PATZ1: variants seen among roughly 807,000 people sequenced by gnomAD.
The protein encoded by PATZ1 is POZ/BTB and AT hook containing zinc finger 1.
Under a neutral mutation model 46.2 loss-of-function variants are expected in PATZ1, and 9 were observed. The observed-to-expected ratio is 0.19, with a 90% CI of 0.12 to 0.34. The LOEUF (loss-of-function observed/expected upper bound fraction) is 0.34. Among genes scored for constraint, PATZ1 ranks in the 10% least tolerant of loss-of-function variants. The pLI, the probability that PATZ1 is intolerant of heterozygous loss-of-function variation, is 1.00. For missense variants in PATZ1, 632 were observed against 923.0 expected, an observed-to-expected ratio of 0.68 and a Z score of 4.08; for synonymous variants, 426 against 378.6, an observed-to-expected ratio of 1.13 and a Z score of -1.45.
intron 3 of PATZ1, among the ~76,000 whole-genome samples, chr22:31,334,727 A>G (rs991461740): frequency 2.6e-5 from 4 of 152,132 alleles, no homozygotes; most frequent in Non-Finnish European, 5.9e-5. Context: ...TCAAGCTTAG[A>G]GAGGGAATGG....
chr22:31,330,169 G>A (rs1401246128), intron 3 of PATZ1, among the ~76,000 whole-genome samples: 1 of 152,210 alleles, frequency 6.6e-6, no homozygotes, highest in African/African-American at 2.4e-5. Flanking sequence ...TGCTGGAACT[G>A]TAATAAAGGT....
In PATZ1 at chr22:31,344,995, G is replaced by C. The variant is rs777404081; in HGVS notation, c.608C>G (p.Ala203Gly). ...AALAANSNGI[A>G]GSMQPEEEAA... ...CTCCTCCTCTGGCTGCATGCTGCCG[G>C]CGATGCCATTGCTGTTGGCTGCCAA... Residue 203 changes from alanine (A) to glycine (G), a missense_variant, in exon 1 of 5, where the codon GCC becomes GGC. Physicochemically the swap from Ala to Gly is moderately conservative, Grantham distance 60 (BLOSUM62 0). Coordinates refer to ENST00000266269, the MANE Select transcript of PATZ1 (RefSeq NM_014323.3). The C allele has an allele frequency of 1.2e-6, 2 of 1,613,932 alleles. No individual in the cohort carries two copies. Among genetic ancestry groups the C allele is most frequent in the Non-Finnish European group, 1.7e-6 (2 of 1,180,052 alleles).
At chr22:31,335,663 TG>T (rs1033540863) in intron 3 of PATZ1, 28 bp downstream of exon 3, 4 of 1,606,972 alleles carry the variant, frequency 2.5e-6, no homozygotes, top group African/African-American at 1.3e-5. Flanking sequence ...GCCCATCCTC[TG>T]GAAGTGAGGA....
In PATZ1 at chr22:31,345,838, G is replaced by A; in HGVS notation, c.-236C>T. On this transcript the variant is annotated 5_prime_UTR_variant, in exon 1 of 5. Transcript: ENST00000266269. The surrounding 1 kb of genome is among the most constrained non-coding windows in gnomAD (Gnocchi z 7.4). Reference sequence around the variant, plus strand: ...AACCCCCGCCCTCGCTGGACTGCGCGCCACTCTCTCCTCTCCGCCCGCCCG... The same window carrying A: ...AACCCCCGCCCTCGCTGGACTGCGCACCACTCTCTCCTCTCCGCCCGCCCG... 2.3e-6 allele frequency: 1 copy of A among 432,468 alleles called. No homozygotes were observed. Among genetic ancestry groups the A allele is most frequent in the Non-Finnish European group, 4.1e-6 (1 of 245,674 alleles). 26.8% of individuals were successfully genotyped at this position (432,468 alleles called of 1,614,324 possible). A position where few individuals can be genotyped will look rare whatever the true frequency, so the allele number is the denominator to read the frequency against.
rs576593131 is a variant in PATZ1 at position 31,344,260 on chromosome 22, C to T, written c.1271+72G>A. 2.4e-5 allele frequency: 33 copies of T among 1,377,370 alleles called. No homozygotes were observed. The South Asian group carries it at 3.7e-4, about 15-fold the overall frequency. The allele number at this position is 1,377,370 out of a possible 1,614,324, so 85.3% of individuals were successfully genotyped here. A position where few individuals can be genotyped will look rare whatever the true frequency, so the allele number is the denominator to read the frequency against. On this transcript the variant is annotated intron_variant, in intron 1 of 4. Coordinates refer to ENST00000266269, the MANE Select transcript of PATZ1 (RefSeq NM_014323.3). ...ATGACCCCCACAAATCCCACACCCC[C>T]AGATCTTGGCAGGAGCCTTTTCAGG...
intron 3 of PATZ1, among the ~76,000 whole-genome samples, chr22:31,329,880 AC>A (rs1172623717): frequency 2.0e-5 from 3 of 152,234 alleles, no homozygotes; most frequent in Non-Finnish European, 4.4e-5. Context: ...ATCAAACCCC[AC>A]TGTAGTCAAG....
rs1601501724 is a variant in PATZ1, at chr22:31,345,798, A to C, written c.-196T>G. On this transcript the variant is annotated 5_prime_UTR_variant, in exon 1 of 5. Transcript: ENST00000266269. The surrounding 1 kb of genome is among the most constrained non-coding windows in gnomAD (Gnocchi z 7.4). ...GACTGTCTAGACTGCGGGGTGCACC[A>C]CCCCCCACATAGCCAACCCCCGCCC... is the stretch of plus-strand genomic sequence containing the variant. 8 of 482,074 alleles carry C rather than the reference A, an allele frequency of 1.7e-5. No homozygotes were observed. Among genetic ancestry groups the C allele is most frequent in the South Asian group, 8.5e-5 (2 of 23,466 alleles). The allele number at this position is 482,074 out of a possible 1,614,324, so 29.9% of individuals were successfully genotyped here.
At chr22:31,335,448 C>A in intron 3 of PATZ1, 1 of 475,278 alleles carries the variant, frequency 2.1e-6, no homozygotes, top group South Asian at 3.5e-5. Flanking sequence ...TTGGGAAGAA[C>A]CTCTCTCCTT....
rs2049643862 is a variant in PATZ1, at chr22:31,345,593, C to G, written c.10G>C (p.Val4Leu). 1 of 1,591,842 alleles carries G rather than the reference C, an allele frequency of 6.3e-7. No individual in the cohort carries two copies. Among genetic ancestry groups the G allele is most frequent in the Admixed American group, 1.7e-5 (1 of 59,206 alleles). The change falls in exon 1 of 5, where the codon GTG becomes CTG. Residue 4 changes from valine (V) to leucine (L), a missense_variant. Val to Leu is a conservative substitution (Grantham distance 32). Around this residue, in one of 7 missense-constraint regions of PATZ1, gnomAD observed 30 missense variants for 27.7 expected, o/e 1.08. Coordinates refer to ENST00000266269, the MANE Select transcript of PATZ1 (RefSeq NM_014323.3). The surrounding 1 kb of genome is among the most constrained non-coding windows in gnomAD (Gnocchi z 7.4). Reference sequence around the variant, plus strand: ...GACGGGCCGCACGAAGCGTCGTTCACCCGCTCCATGGCCGCCGCCCCCTCC... The same window carrying G: ...GACGGGCCGCACGAAGCGTCGTTCAGCCGCTCCATGGCCGCCGCCCCCTCC... MER[V>L]NDASCGPSGC...
rs199786087 is a variant in PATZ1 at position 31,344,958 on chromosome 22, C to T, written c.645G>A (p.Ala215=). 6 of 1,613,668 alleles carry T rather than the reference C, an allele frequency of 3.7e-6. No individual in the cohort carries two copies. Among genetic ancestry groups the T allele is most frequent in the East Asian group, 2.2e-5 (1 of 44,896 alleles). Residue 215 remains alanine, a synonymous_variant, in exon 1 of 5, where the codon GCG becomes GCA. Transcript: ENST00000266269. Reference sequence around the variant, plus strand: ...CTTGGCCTGCAATGGCTGCACCAGCCGCCCGAGCTGCCTCCTCCTCTGGCT... The same window carrying T: ...CTTGGCCTGCAATGGCTGCACCAGCTGCCCGAGCTGCCTCCTCCTCTGGCT... ...SMQPEEEAAR[A]AGAAIAGQAS...
In PATZ1 at chr22:31,341,318, C is replaced by T. The variant is rs147102976; in HGVS notation, c.1335+1579G>A. 6.4e-3 allele frequency: 9,617 copies of T among 1,495,284 alleles called. 32 individuals carry two copies. The highest frequency in any genetic ancestry group is 7.9e-3 in the Non-Finnish European group (8,873 of 1,125,694). 92.6% of individuals were successfully genotyped at this position (1,495,284 alleles called of 1,614,324 possible). A position where few individuals can be genotyped will look rare whatever the true frequency, so the allele number is the denominator to read the frequency against. On this transcript the variant is annotated intron_variant, in intron 2 of 4. Coordinates refer to ENST00000266269, the MANE Select transcript of PATZ1 (RefSeq NM_014323.3). The stretch of plus-strand genomic sequence containing the variant: ...CTGGGCATGCTGGGCAGGAACCACC[C>T]TGCTAGCCTCTCCCAAAAGCAGGGG...
intron 2 of PATZ1, among the ~76,000 whole-genome samples, chr22:31,339,579 G>T (rs1166782212): frequency 3.3e-5 from 5 of 152,258 alleles, no homozygotes; most frequent in Non-Finnish European, 7.3e-5. Context: ...ACAGGGAGAA[G>T]ACAGAGGGAC....
chr22:31,329,155 C>T (rs1405311594), intron 3 of PATZ1, among the ~76,000 whole-genome samples: 6 of 152,344 alleles, frequency 3.9e-5, no homozygotes, highest in Admixed American at 2.6e-4. Context: ...TGCAAGGCTG[C>T]GGTGAGGGGC....
intron 2 of PATZ1, among the ~76,000 whole-genome samples, chr22:31,339,226 A>G (rs5753566): frequency 0.045 from 6,800 of 152,292 alleles, 561 homozygotes; most frequent in East Asian, 0.37. Context: ...TCAAGGAATG[A>G]AAGCTAACTT....
chr22:31,343,986 CCA>C (rs1248157073), intron 1 of PATZ1, among the ~76,000 whole-genome samples: 1 of 152,150 alleles, frequency 6.6e-6, no homozygotes. Flanking sequence ...CTGGAGGAGC[CCA>C]GTCTCCCGCC....
chr22:31,339,406 A>G (rs746390995), intron 2 of PATZ1, among the ~76,000 whole-genome samples: 2 of 152,304 alleles, frequency 1.3e-5, no homozygotes, highest in East Asian at 1.9e-4. Flanking sequence ...GGAGCCTGTG[A>G]AAGTCCAAAG....
chr22:31,331,930 G>A (rs2049448820), intron 3 of PATZ1, among the ~76,000 whole-genome samples: 1 of 152,080 alleles, frequency 6.6e-6, no homozygotes, highest in African/African-American at 2.4e-5. Context: ...GACCAACATG[G>A]AGAAACCCTG....
chr22:31,335,427 T>A (rs1373849538), intron 3 of PATZ1: 1 of 423,354 alleles, frequency 2.4e-6, no homozygotes, highest in Non-Finnish European at 4.2e-6. Flanking sequence ...GTGAGAGTTA[T>A]GGGCCCAAGC....
At chr22:31,338,942 G>A (rs967344928) in intron 2 of PATZ1, among the ~76,000 whole-genome samples, 1 of 152,142 alleles carries the variant, frequency 6.6e-6, no homozygotes, top group Non-Finnish European at 1.5e-5. Context: ...CCAGCTACTC[G>A]GGGGCTGAAA....
Sources: allele counts gnomAD v4.1 joint callset (sites outside exome capture counted in the v4.1 genomes callset), GRCh38; gene constraint gnomAD v4.1.1; regional missense constraint gnomAD v4.1.1; non-coding constraint Gnocchi (gnomAD v3.1); transcripts MANE v1.5; gene names NCBI Gene and HGNC (gene_info 2026-07-23, HGNC 2026-07-21).